The following FAM83E variants were observed in gnomAD, a reference collection of about 807,000 sequenced individuals.
FAM83E encodes protein FAM83E.
Under a neutral mutation model 34.3 loss-of-function variants are expected in FAM83E, and 29 were observed. That is an observed-to-expected ratio of 0.85 (90% CI 0.63 to 1.15). FAM83E has a LOEUF of 1.15. Ranked by LOEUF, FAM83E falls within the 50% of genes most tolerant of loss-of-function variation. The pLI, the probability that FAM83E is intolerant of heterozygous loss-of-function variation, is 0.00. For missense variants in FAM83E, 697 were observed against 685.0 expected (o/e 1.02, Z -0.20); for synonymous variants, 312 against 311.6 (o/e 1.00, Z -0.01).
rs1401940787 is a variant in FAM83E at position 48,613,433 on chromosome 19, C to T, written c.-61G>A. The T allele has an allele frequency of 1.4e-6, 2 of 1,454,210 alleles. No individual in the cohort carries two copies. Among genetic ancestry groups the T allele is most frequent in the African/African-American group, 2.8e-5 (2 of 70,542 alleles). 90.1% of individuals were successfully genotyped at this position (1,454,210 alleles called of 1,614,324 possible). A position where few individuals can be genotyped will look rare whatever the true frequency, so the allele number is the denominator to read the frequency against. On this transcript the variant is annotated 5_prime_UTR_variant, in exon 3 of 7. Coordinates refer to ENST00000263266, the MANE Select transcript of FAM83E (RefSeq NM_017708.4). ...GCTGGGTCCCCGGGGGTCTGGCTGT[C>T]TCTGGGGACTGTGATCATCTGGGGG...
Position 48,600,207 on chromosome 19 carries a change from G to A in FAM83E, c.*902C>T, listed in dbSNP as rs146541070. On this transcript the variant is annotated 3_prime_UTR_variant, in exon 7 of 7. Coordinates refer to ENST00000263266, the MANE Select transcript of FAM83E (RefSeq NM_017708.4). ...AGCTCTAGCTCGGGGCCTCACCCGG[G>A]CCCCTCATCAGGAAGGCCTGACCCT... Among the ~76,000 whole-genome samples the A allele has an allele frequency of 1.4e-3, 211 of 152,318 alleles. No individual in the cohort carries two copies. The highest frequency in any genetic ancestry group is 4.7e-3 in the African/African-American group (197 of 41,560).
chr19:48,606,725 G>A (rs1973934918), intron 5 of FAM83E: 2 of 539,370 alleles, frequency 3.7e-6, no homozygotes, highest in Non-Finnish European at 6.7e-6. Context: ...AACCCTGAGG[G>A]ATCTGTGAGA....
chr19:48,603,988 AG>A, intron 5 of FAM83E, 77 bp from the exon 6 acceptor site: 1 of 1,480,412 alleles, frequency 6.8e-7, no homozygotes, highest in Non-Finnish European at 9.1e-7. Flanking sequence ...GCCAGGTCCC[AG>A]GGGAGACCGT....
chr19:48,613,848 G>A lies in FAM83E; in HGVS notation c.-476C>T, dbSNP rs949938770. On this transcript the variant is annotated 5_prime_UTR_variant, in exon 3 of 7. Coordinates refer to ENST00000263266, the MANE Select transcript of FAM83E (RefSeq NM_017708.4). ...GCTGACCACTTGATCATTTCCAGGCGGCAAGCTGCCTGCCTGTCTCTAATC... is the reference window on the plus strand; with the variant it reads ...GCTGACCACTTGATCATTTCCAGGCAGCAAGCTGCCTGCCTGTCTCTAATC... 2 of 985,234 alleles carry A rather than the reference G, an allele frequency of 2.0e-6. No homozygotes were observed. Among genetic ancestry groups the A allele is most frequent in the South Asian group, 4.7e-5 (1 of 21,282 alleles). 61.0% of individuals were successfully genotyped at this position (985,234 alleles called of 1,614,324 possible).
chr19:48,605,284 C>T (rs1973907720), intron 5 of FAM83E, among the ~76,000 whole-genome samples: 1 of 151,720 alleles, frequency 6.6e-6, no homozygotes, highest in Non-Finnish European at 1.5e-5. Context: ...GAGCAAAAAC[C>T]TAGGAAGGCC....
intron 5 of FAM83E, chr19:48,607,013 C>T: frequency 6.2e-7 from 1 of 1,610,336 alleles, no homozygotes. Flanking sequence ...CTGGTGATGG[C>T]TCTGCCCCCA....
rs968545848 is a variant in FAM83E, at chr19:48,600,421, C to T, written c.*688G>A. 9.9e-5 allele frequency among the ~76,000 whole-genome samples: 15 copies of T among 152,090 alleles called. No homozygotes were observed. Among genetic ancestry groups the T allele is most frequent in the Admixed American group, 5.2e-4 (8 of 15,264 alleles). ...CGTGATCTCAGCTCACTGCAACCTC[C>T]GCCTCCCGGGTTCAAGCAATTCTCC... On this transcript the variant is annotated 3_prime_UTR_variant, in exon 7 of 7. Transcript: ENST00000263266.
intron 5 of FAM83E, chr19:48,607,371 G>A (rs1161545820): frequency 1.3e-6 from 2 of 1,560,890 alleles, no homozygotes; most frequent in East Asian, 2.3e-5. Flanking sequence ...GGAGGACAGG[G>A]CCTGGGACTG....
intron 5 of FAM83E, chr19:48,607,747 T>C (rs901071001): frequency 4.5e-5 from 4 of 88,852 alleles, no homozygotes; most frequent in Non-Finnish European, 8.6e-5. Context: ...TTTCTTTTCC[T>C]TTTTTTTTTT....
chr19:48,600,171 ACAGCTCTAG>A lies in FAM83E; in HGVS notation c.*929_*937del, dbSNP rs1386341759. Among the ~76,000 whole-genome samples, 1 of 152,008 alleles carries A rather than the reference ACAGCTCTAG, an allele frequency of 6.6e-6. No homozygotes were observed. The highest frequency in any genetic ancestry group is 6.6e-5 in the Admixed American group (1 of 15,256). ...GCAGCGACTCCCCATCTTCCCCTCC[ACAGCTCTAG>A]CAGCTCTAGCTCGGGGCCTCACCCG... On this transcript the variant is annotated 3_prime_UTR_variant, in exon 7 of 7. Transcript: ENST00000263266.
chr19:48,613,202 G>T lies in FAM83E; in HGVS notation c.171C>A (p.Pro57=). Residue 57 remains proline (P), a synonymous_variant, in exon 3 of 7, where the codon CCC becomes CCA. Coordinates refer to ENST00000263266, the MANE Select transcript of FAM83E (RefSeq NM_017708.4). ...QTCVQREELW[P]FLSADEVQGL... ...CCTGAACCTCATCCGCACTGAGGAA[G>T]GGCCACAGCTCCTCGCGCTGCACGC... The T allele has an allele frequency of 6.2e-7, 1 of 1,611,532 alleles. No homozygotes were observed. Among genetic ancestry groups the T allele is most frequent in the South Asian group, 1.1e-5 (1 of 91,088 alleles).
In FAM83E at chr19:48,600,894, C is replaced by G. The variant is rs557813307; in HGVS notation, c.*215G>C. ...TCTCCAACTCCTGGCCTTAAGCAAC[C>G]CTCCCACCTTAGCCTCCCAAAGTGC... On this transcript the variant is annotated 3_prime_UTR_variant, in exon 7 of 7. Transcript: ENST00000263266. The G allele has an allele frequency of 1.2e-5, 13 of 1,056,180 alleles. No homozygotes were observed. In the East Asian group the frequency reaches 2.9e-4, roughly 24 times the overall value. 65.4% of individuals were successfully genotyped at this position (1,056,180 alleles called of 1,614,324 possible).
chr19:48,610,730 C>T lies in FAM83E; in HGVS notation c.583G>A (p.Ala195Thr). 6.3e-7 allele frequency: 1 copy of T among 1,586,682 alleles called. No homozygotes were observed. Among genetic ancestry groups the T allele is most frequent in the Non-Finnish European group, 8.6e-7 (1 of 1,166,876 alleles). ...YLLLDRQQLP[A>T]FLELAQQLGV... ...AGCTGCTGGGCCAGTTCCAGGAAGG[C>T]AGGCAGCTGCTGGCGGTCCAGGAGC... is the stretch of plus-strand genomic sequence containing the variant. Residue 195 changes from alanine (A) to threonine (T), a missense_variant, in exon 4 of 7, where the codon GCC becomes ACC. By Grantham distance (58) the Ala-to-Thr change is moderately conservative. Coordinates refer to ENST00000263266, the MANE Select transcript of FAM83E (RefSeq NM_017708.4).
Position 48,601,314 on chromosome 19 carries a change from C to G in FAM83E, c.1232G>C (p.Arg411Pro). ...DTPAKALMRQRGTGGGPWGEV... is the reference protein window; with the variant it reads ...DTPAKALMRQPGTGGGPWGEV... ...CCCCCAGGGGCCTCCTCCAGTGCCC[C>G]GCTGCCTCATCAGAGCCTTGGCTGG... Residue 411 changes from arginine (R) to proline (P), a missense_variant, in exon 7 of 7, where the codon CGG becomes CCG. Coordinates refer to ENST00000263266, the MANE Select transcript of FAM83E (RefSeq NM_017708.4). The G allele has an allele frequency of 6.4e-7, 1 of 1,569,020 alleles. No homozygotes were observed. Among genetic ancestry groups the G allele is most frequent in the Non-Finnish European group, 8.6e-7 (1 of 1,156,500 alleles).
At position 48,614,614 on chromosome 19, in the gene FAM83E, A is replaced by G. The variant is rs1036844942; in HGVS notation, c.-1242T>C. 4 of 986,060 alleles carry G rather than the reference A, an allele frequency of 4.1e-6. No homozygotes were observed. Among genetic ancestry groups the G allele is most frequent in the Non-Finnish European group, 4.8e-6 (4 of 830,514 alleles). The allele number at this position is 986,060 out of a possible 1,614,324, so 61.1% of individuals were successfully genotyped here. A position where few individuals can be genotyped will look rare whatever the true frequency, so the allele number is the denominator to read the frequency against. On this transcript the variant is annotated 5_prime_UTR_variant, in exon 3 of 7. Coordinates refer to ENST00000263266, the MANE Select transcript of FAM83E (RefSeq NM_017708.4). ...CAACCCAGGCCGCTGCTTCCTCCAGACCACAGCAGGGAGCTGCAAAGAGAA... is the reference window on the plus strand; with the variant it reads ...CAACCCAGGCCGCTGCTTCCTCCAGGCCACAGCAGGGAGCTGCAAAGAGAA...
intron 4 of FAM83E, among the ~76,000 whole-genome samples, chr19:48,610,418 A>AAG (rs1426152285): frequency 2.6e-5 from 4 of 151,506 alleles, no homozygotes; most frequent in African/African-American, 9.7e-5. Context: ...AAAAAAAAAA[A>AAG]AAAAAAGAAG....
chr19:48,607,138 G>A (rs1377091358), intron 5 of FAM83E: 24 of 1,612,602 alleles, frequency 1.5e-5, no homozygotes, highest in African/African-American at 4.0e-5. Flanking sequence ...CCACGGGGTC[G>A]CCCCGGGCAC....
Position 48,613,315 on chromosome 19 carries a change from C to T in FAM83E, c.58G>A (p.Gly20Arg), listed in dbSNP as rs376982501. 12 of 1,600,192 alleles carry T rather than the reference C, an allele frequency of 7.5e-6. No individual in the cohort carries two copies. Among genetic ancestry groups the T allele is most frequent in the South Asian group, 2.2e-5 (2 of 90,118 alleles). The change falls in exon 3 of 7, where the codon GGG becomes AGG. Residue 20 changes from glycine to arginine, a missense_variant. Physicochemically the swap from Gly to Arg is moderately radical, Grantham distance 125. Transcript: ENST00000263266. ...GAATATAGAAAGCCGGGGCTGGCCC[C>T]GGGCACCCTGGGACCGGAGTCCACT... ...EGVDSGPRVPGASPGFLYSEG... is the reference protein window; with the variant it reads ...EGVDSGPRVPRASPGFLYSEG...
chr19:48,601,252 G>A lies in FAM83E; in HGVS notation c.1294C>T (p.Pro432Ser), dbSNP rs200504741. The change falls in exon 7 of 7, where the codon CCC becomes TCC. Residue 432 changes from proline to serine, a missense_variant. Physicochemically the swap from Pro to Ser is moderately conservative, Grantham distance 74. Coordinates refer to ENST00000263266, the MANE Select transcript of FAM83E (RefSeq NM_017708.4). Reference protein sequence around the residue: ...DSRPPWGGALPLPPAHRLRYL... With the variant: ...DSRPPWGGALSLPPAHRLRYL... ...CGGAGGCGGTGGGCGGGGGGCAGGG[G>A]CAGGGCACCGCCCCACGGAGGTCGG... 1 of 1,602,158 alleles carries A rather than the reference G, an allele frequency of 6.2e-7. No homozygotes were observed. The highest frequency in any genetic ancestry group is 8.5e-7 in the Non-Finnish European group (1 of 1,173,894).
Sources: gnomAD v4.1 joint callset for allele counts (sites outside exome capture counted in the v4.1 genomes callset) on GRCh38, gnomAD v4.1.1 for gene constraint, MANE v1.5 for transcripts, NCBI Gene and HGNC (gene_info 2026-07-23, HGNC 2026-07-21) for gene names.